Variants in GTF3C1 observed in about 807,000 individuals in gnomAD.
The protein encoded by GTF3C1 is general transcription factor IIIC subunit 1.
A neutral mutation model predicts 226.7 loss-of-function variants in GTF3C1; 57 were observed. The ratio of observed to expected loss-of-function variants is 0.25; its 90% CI spans 0.20 to 0.31. The LOEUF is 0.31. GTF3C1 is among the 10% of genes least tolerant of loss of function. The pLI, the probability that GTF3C1 is intolerant of heterozygous loss-of-function variation, is 1.00. For synonymous variants in GTF3C1, 1,090 were observed against 1,084.8 expected, an observed-to-expected ratio of 1.00 and a Z score of -0.09; for missense variants, 2,217 against 2,776.1, an observed-to-expected ratio of 0.80 and a Z score of 4.53.
chr16:27,469,456 G>A lies in GTF3C1; in HGVS notation c.4909C>T (p.Pro1637Ser), dbSNP rs751494524. Residue 1637 changes from proline to serine, a missense_variant, in exon 32 of 37, where the codon CCT becomes TCT. Around this residue, in one of 12 missense-constraint regions of GTF3C1, gnomAD observed 455 missense variants for 441.9 expected, o/e 1.03. Transcript: ENST00000356183. This position sits in a 1 kb window ranked among gnomAD's most constrained non-coding sequence, Gnocchi z 4.5. ...GGKRRSMEVK[P>S]AQASHTNYLL... Reference sequence around the variant, plus strand: ...TAGTTGGTGTGGGAGGCTTGCGCAGGTTTCACCTCCATGCTCCGGCGCTTG... The same window carrying A: ...TAGTTGGTGTGGGAGGCTTGCGCAGATTTCACCTCCATGCTCCGGCGCTTG... 1.7e-5 allele frequency: 28 copies of A among 1,614,090 alleles called. No homozygotes were observed. Among genetic ancestry groups the A allele is most frequent in the African/African-American group, 6.7e-5 (5 of 74,936 alleles).
intron 12 of GTF3C1, 115 bp downstream of exon 12, chr16:27,501,076 T>C (rs1379220767): frequency 3.5e-6 from 3 of 857,050 alleles, no homozygotes; most frequent in Non-Finnish European, 5.5e-6. Flanking sequence ...TAATGGGAAA[T>C]TCCAAGTCAC....
chr16:27,539,232 C>T (rs1165197103), intron 2 of GTF3C1, among the ~76,000 whole-genome samples: 1 of 152,094 alleles, frequency 6.6e-6, no homozygotes, highest in African/African-American at 2.4e-5. Context: ...AATCAGTGGA[C>T]CTGCAGTCTC....
At chr16:27,504,470 C>T (rs1433293136) in intron 10 of GTF3C1, among the ~76,000 whole-genome samples, 3 of 152,208 alleles carry the variant, frequency 2.0e-5, no homozygotes, top group African/African-American at 4.8e-5. Flanking sequence ...AAAATCAACG[C>T]CACGCCCCAT....
chr16:27,473,352 C>G (rs2087904216), intron 29 of GTF3C1, among the ~76,000 whole-genome samples: 1 of 152,268 alleles, frequency 6.6e-6, no homozygotes, highest in South Asian at 2.1e-4. Context: ...ACTGTGCAGT[C>G]AGCAGAGTCT....
Position 27,461,129 on chromosome 16 carries a change from G to A in GTF3C1, c.*221C>T. 1 of 498,746 alleles carries A rather than the reference G, an allele frequency of 2.0e-6. No individual in the cohort carries two copies. The highest frequency in any genetic ancestry group is 3.6e-5 in the South Asian group (1 of 27,852). The allele number at this position is 498,746 out of a possible 1,614,324, so 30.9% of individuals were successfully genotyped here. On this transcript the variant is annotated 3_prime_UTR_variant, in exon 37 of 37. Transcript: ENST00000356183. The surrounding 1 kb of genome is among the most constrained non-coding windows in gnomAD (Gnocchi z 5.3). ...TGATGAGGCCAGTTCCCAAGGGGAAGGCCCAGAAGAGCCTGGGGGATGGGC... is the reference window on the plus strand; with the variant it reads ...TGATGAGGCCAGTTCCCAAGGGGAAAGCCCAGAAGAGCCTGGGGGATGGGC...
At chr16:27,478,422 A>C in intron 28 of GTF3C1, 47 bp downstream of exon 28, 1 of 1,253,350 alleles carries the variant, frequency 8.0e-7, no homozygotes, top group Non-Finnish European at 1.2e-6. Flanking sequence ...TCAGCCATCA[A>C]GTTATTAAGC....
At chr16:27,531,198 C>T (rs1347133427) in intron 5 of GTF3C1, among the ~76,000 whole-genome samples, 1 of 152,228 alleles carries the variant, frequency 6.6e-6, no homozygotes. Context: ...AGTTTCAAGG[C>T]TAAAGTCCCC....
intron 27 of GTF3C1, among the ~76,000 whole-genome samples, chr16:27,480,201 CAAA>C (rs35428757): frequency 0.019 from 1,134 of 60,952 alleles, 12 homozygotes; most frequent in African/African-American, 0.062. Context: ...GACTCCATCT[CAAA>C]AAAAAAAAAA....
At chr16:27,476,278 A>G (rs2087948453) in intron 29 of GTF3C1, among the ~76,000 whole-genome samples, 173 bp downstream of exon 29, 1 of 152,276 alleles carries the variant, frequency 6.6e-6, no homozygotes, top group African/African-American at 2.4e-5. Context: ...ATAAACACAA[A>G]GAAATAAAAA....
At chr16:27,486,407 A>G (rs1325137813) in intron 23 of GTF3C1, among the ~76,000 whole-genome samples, 17 of 152,166 alleles carry the variant, frequency 1.1e-4, no homozygotes, top group Non-Finnish European at 7.4e-5. Context: ...GGAAGGCTCA[A>G]TGCAGCCTCT....
At chr16:27,493,378 T>A in intron 16 of GTF3C1, 82 bp from the exon 17 acceptor site, 1 of 767,512 alleles carries the variant, frequency 1.3e-6, no homozygotes, top group East Asian at 2.6e-5. Context: ...TCGCCACTAT[T>A]TTCTGACCAT....
chr16:27,469,290 C>A lies in GTF3C1; in HGVS notation c.5074+1G>T. On this transcript the variant is annotated splice_donor_variant, in intron 32 of 36. Transcript: ENST00000356183. LOFTEE classifies it high-confidence loss of function. The surrounding 1 kb of genome is among the most constrained non-coding windows in gnomAD (Gnocchi z 4.5). ...CCCACAGCACCAGCAGGAGCACTCA[C>A]CAGCGGGCCTGAGCCGGGCGGGCAC... The A allele has an allele frequency of 1.9e-6, 3 of 1,555,730 alleles. No individual in the cohort carries two copies. The highest frequency in any genetic ancestry group is 1.7e-6 in the Non-Finnish European group (2 of 1,148,210).
At chr16:27,474,553 T>C (rs895906675) in intron 29 of GTF3C1, among the ~76,000 whole-genome samples, 4 of 152,178 alleles carry the variant, frequency 2.6e-5, no homozygotes, top group Admixed American at 2.6e-4. Flanking sequence ...TGGACTCCTG[T>C]GTGCAATGTT....
At chr16:27,477,855 T>C (rs1376253870) in intron 28 of GTF3C1, among the ~76,000 whole-genome samples, 1 of 151,968 alleles carries the variant, frequency 6.6e-6, no homozygotes. Context: ...AGGCTATCAG[T>C]GGTTAGGTTT....
In GTF3C1 at chr16:27,498,709, T is replaced by C; in HGVS notation, c.2086A>G (p.Met696Val). The C allele has an allele frequency of 6.3e-7, 1 of 1,595,526 alleles. No homozygotes were observed. Residue 696 changes from methionine (M) to valine (V), a missense_variant, in exon 13 of 37, where the codon ATG (methionine) becomes GTG (valine). Met to Val is a conservative substitution (Grantham distance 21). Transcript: ENST00000356183. ...KKVDLVVHPS[M>V]DQNDPLVRSA... ...CTCACTAGAGGGTCGTTCTGGTCCATGGACGGGTGCACCACCAGATCCACC... is the reference window on the plus strand; with the variant it reads ...CTCACTAGAGGGTCGTTCTGGTCCACGGACGGGTGCACCACCAGATCCACC...
chr16:27,489,830 G>C (rs2088206728), intron 19 of GTF3C1, 87 bp from the exon 20 acceptor site: 1 of 1,374,720 alleles, frequency 7.3e-7, no homozygotes, highest in Non-Finnish European at 1.0e-6. Context: ...GGGAAGAAGA[G>C]TGGATTCCCT....
At chr16:27,473,539 A>C (rs2087907864) in intron 29 of GTF3C1, among the ~76,000 whole-genome samples, 1 of 152,218 alleles carries the variant, frequency 6.6e-6, no homozygotes, top group African/African-American at 2.4e-5. Flanking sequence ...GTGACAGAGG[A>C]GGCTGAGGCA....
chr16:27,548,849 A>C (rs1313567228), intron 1 of GTF3C1, among the ~76,000 whole-genome samples: 1 of 152,098 alleles, frequency 6.6e-6, no homozygotes, highest in Non-Finnish European at 1.5e-5. Flanking sequence ...AGCTTCTAGA[A>C]TAGATTCTTA....
intron 9 of GTF3C1, 81 bp downstream of exon 9, chr16:27,506,766 T>C (rs2088491655): frequency 7.9e-6 from 8 of 1,014,168 alleles, no homozygotes; most frequent in Middle Eastern, 3.3e-4. Flanking sequence ...CCGCAGGTGT[T>C]TGCTGAACTG....
Sources: gnomAD v4.1 joint callset for allele counts (sites outside exome capture counted in the v4.1 genomes callset) on GRCh38, gnomAD v4.1.1 for gene constraint, gnomAD v4.1.1 regional missense constraint, Gnocchi (gnomAD v3.1) non-coding constraint, MANE v1.5 for transcripts, NCBI Gene and HGNC (gene_info 2026-07-23, HGNC 2026-07-21) for gene names.